Variants in NTM observed in about 807,000 individuals in gnomAD.
NTM encodes IgLON family member 2.
In NTM, 13 loss-of-function variants were observed where a neutral mutation model predicts 42.1. That is an observed-to-expected ratio of 0.31 (90% CI 0.20 to 0.49). The LOEUF is 0.49. Ranked by LOEUF, NTM falls within the 20% of genes least tolerant of loss-of-function variation. The probability of loss-of-function intolerance (pLI) is 0.99; values close to 1 mark genes in which losing one functional copy is unlikely to be tolerated. For synonymous variants in NTM, 187 were observed against 179.2 expected, an observed-to-expected ratio of 1.04 and a Z score of -0.35; for missense variants, 373 against 452.8, an observed-to-expected ratio of 0.82 and a Z score of 1.60.
intron 3 of NTM, among the ~76,000 whole-genome samples, chr11:132,204,441 A>C (rs918520845): frequency 6.6e-6 from 1 of 152,224 alleles, no homozygotes; most frequent in African/African-American, 2.4e-5. Flanking sequence ...AGTGGAGCTT[A>C]CATTGTACTT....
chr11:131,934,846 A>C (rs1200721704), intron 2 of NTM, among the ~76,000 whole-genome samples: 1 of 152,160 alleles, frequency 6.6e-6, no homozygotes, highest in African/African-American at 2.4e-5. Flanking sequence ...GAGCAGACAG[A>C]CCTGCAGGGT....
At chr11:131,509,470 C>T (rs2136446040) in intron 1 of NTM, among the ~76,000 whole-genome samples, 1 of 152,334 alleles carries the variant, frequency 6.6e-6, no homozygotes, top group South Asian at 2.1e-4. Flanking sequence ...CAATGAGCAC[C>T]TCTTATCCTT....
intron 2 of NTM, among the ~76,000 whole-genome samples, chr11:132,082,367 A>T (rs958007157): frequency 1.3e-5 from 2 of 152,200 alleles, no homozygotes; most frequent in Non-Finnish European, 2.9e-5. Flanking sequence ...ACCATTCATG[A>T]GTTGAAGAGG....
intron 2 of NTM, among the ~76,000 whole-genome samples, chr11:132,007,989 G>A (rs78843611): frequency 2.1e-3 from 315 of 152,252 alleles, no homozygotes; most frequent in African/African-American, 7.1e-3. Flanking sequence ...GGAGTAGAAA[G>A]GAAAATGTTA....
intron 1 of NTM, among the ~76,000 whole-genome samples, chr11:131,800,179 T>C (rs940619590): frequency 1.3e-5 from 2 of 152,214 alleles, no homozygotes; most frequent in Admixed American, 6.5e-5. Context: ...TTTTCAAACA[T>C]GAAGGGTCTA....
chr11:131,853,066 A>G (rs2045749457), intron 1 of NTM, among the ~76,000 whole-genome samples: 1 of 151,888 alleles, frequency 6.6e-6, no homozygotes, highest in Non-Finnish European at 1.5e-5. Context: ...TTCACTCACT[A>G]TTTGTGCATT....
chr11:132,250,980 G>T (rs1307272163), intron 4 of NTM, among the ~76,000 whole-genome samples: 1 of 152,108 alleles, frequency 6.6e-6, no homozygotes, highest in African/African-American at 2.4e-5. Context: ...AAAATTTTGA[G>T]CCCTAAAATG....
chr11:131,923,420 GTC>G (rs1565745464), intron 2 of NTM, among the ~76,000 whole-genome samples: 1 of 152,216 alleles, frequency 6.6e-6, no homozygotes, highest in African/African-American at 2.4e-5. Context: ...ACTCAGGTCT[GTC>G]TCTGTATTGG....
intron 1 of NTM, among the ~76,000 whole-genome samples, chr11:131,526,566 C>G (rs1442840151): frequency 6.6e-6 from 1 of 152,206 alleles, no homozygotes; most frequent in Non-Finnish European, 1.5e-5. Flanking sequence ...TCAGCTTCTC[C>G]TTATCTCTAA....
At chr11:132,039,474 C>T (rs886925163) in intron 2 of NTM, among the ~76,000 whole-genome samples, 1 of 148,472 alleles carries the variant, frequency 6.7e-6, no homozygotes, top group African/African-American at 2.5e-5. Context: ...TCAGGCTGGC[C>T]TTAAACTCTT....
chr11:131,498,090 A>T (rs766821429), intron 1 of NTM, among the ~76,000 whole-genome samples: 2 of 151,288 alleles, frequency 1.3e-5, no homozygotes, highest in Admixed American at 6.6e-5. Flanking sequence ...CATCTGCGAG[A>T]TGTACCCTTC....
chr11:132,297,606 A>G (rs977840681), intron 4 of NTM, among the ~76,000 whole-genome samples: 5 of 152,230 alleles, frequency 3.3e-5, no homozygotes, highest in Non-Finnish European at 5.9e-5. Context: ...AAGTTATTTC[A>G]CTTCCCATCC....
At chr11:131,875,979 C>T (rs1317502343) in intron 1 of NTM, among the ~76,000 whole-genome samples, 2 of 152,190 alleles carry the variant, frequency 1.3e-5, no homozygotes, top group East Asian at 1.9e-4. Flanking sequence ...AAGGGAGAGT[C>T]GGGCCCAGGA....
chr11:131,722,005 A>G (rs1565467496), intron 1 of NTM, among the ~76,000 whole-genome samples: 1 of 144,258 alleles, frequency 6.9e-6, no homozygotes, highest in African/African-American at 2.6e-5. Context: ...TCAAAAAAAA[A>G]AAAAAAAAAA....
At chr11:132,332,326 C>G (rs2095815437) in intron 8 of NTM, 1 of 152,570 alleles carries the variant, frequency 6.6e-6, no homozygotes, top group Admixed American at 6.5e-5. Flanking sequence ...GCGCATGTAC[C>G]TGTGGGGTGG....
intron 2 of NTM, among the ~76,000 whole-genome samples, chr11:132,041,659 C>A (rs184996532): frequency 1.1e-4 from 16 of 152,244 alleles, no homozygotes; most frequent in Admixed American, 5.9e-4. Context: ...TAAATGGGAG[C>A]AGAGGAAGGA....
chr11:131,594,609 G>C (rs2059656625), intron 1 of NTM, among the ~76,000 whole-genome samples: 1 of 151,966 alleles, frequency 6.6e-6, no homozygotes, highest in African/African-American at 2.4e-5. Context: ...ATATTGCCCA[G>C]GCTGTTCTCC....
intron 1 of NTM, among the ~76,000 whole-genome samples, chr11:131,904,541 C>G (rs1429166363): frequency 6.6e-6 from 1 of 152,132 alleles, no homozygotes; most frequent in Non-Finnish European, 1.5e-5. Context: ...ATGTTCTTAT[C>G]CAGTGATTTG....
intron 2 of NTM, among the ~76,000 whole-genome samples, chr11:132,107,803 G>A (rs113993417): frequency 3.2e-4 from 49 of 152,166 alleles, no homozygotes; most frequent in African/African-American, 1.1e-3. Context: ...TCTTTGTCCA[G>A]CTTTTCTAAG....
Sources: allele counts gnomAD v4.1 joint callset (sites outside exome capture counted in the v4.1 genomes callset), GRCh38; gene constraint gnomAD v4.1.1; transcripts MANE v1.5; gene names NCBI Gene and HGNC (gene_info 2026-07-23, HGNC 2026-07-21).